GPHN: variants seen among roughly 807,000 people sequenced by gnomAD.
GPHN encodes the protein gephyrin.
In GPHN, 17 loss-of-function variants were observed where a neutral mutation model predicts 95.5. That is an observed-to-expected ratio of 0.18 (90% CI 0.12 to 0.27). The LOEUF is 0.27. Among genes scored for constraint, GPHN ranks in the 10% least tolerant of loss-of-function variants. The pLI is 1.00. For missense variants in GPHN, 660 were observed against 978.1 expected (o/e 0.67, Z 4.34); for synonymous variants, 320 against 322.5 (o/e 0.99, Z 0.08).
intron 5 of GPHN, among the ~76,000 whole-genome samples, chr14:66,904,608 C>T (rs2065281858): frequency 6.6e-6 from 1 of 152,140 alleles, no homozygotes; most frequent in Admixed American, 6.5e-5. Context: ...CAGCTGGCTT[C>T]ACCTCTCAAT....
chr14:67,338,937 TA>T, the GPHN span, among the ~76,000 whole-genome samples: 1 of 151,984 alleles, frequency 6.6e-6, no homozygotes, highest in Non-Finnish European at 1.5e-5. Flanking sequence ...AACATAATTT[TA>T]AGCTAAAAAT....
the GPHN span, among the ~76,000 whole-genome samples, chr14:67,402,842 T>C: frequency 6.6e-6 from 1 of 152,228 alleles, no homozygotes; most frequent in Non-Finnish European, 1.5e-5. Flanking sequence ...CACAGGTTGC[T>C]TCCAATCTTG....
chr14:66,698,847 G>A (rs773785137), intron 2 of GPHN, among the ~76,000 whole-genome samples: 2 of 152,058 alleles, frequency 1.3e-5, no homozygotes, highest in East Asian at 3.8e-4. Context: ...CCATATATGC[G>A]GGTTTTGCAT....
chr14:67,642,960 G>T, the GPHN span, among the ~76,000 whole-genome samples: 1 of 151,918 alleles, frequency 6.6e-6, no homozygotes, highest in African/African-American at 2.4e-5. Flanking sequence ...ATGCCACCAT[G>T]CCTGGCTCAT....
intron 1 of GPHN, among the ~76,000 whole-genome samples, chr14:66,596,459 C>T (rs2061976586): frequency 6.6e-6 from 1 of 152,148 alleles, no homozygotes; most frequent in Non-Finnish European, 1.5e-5. Context: ...ATGTTGCCTG[C>T]AGGCCTGCAT....
intron 10 of GPHN, among the ~76,000 whole-genome samples, chr14:67,038,048 A>C (rs1266798901): frequency 6.6e-6 from 1 of 152,100 alleles, no homozygotes; most frequent in African/African-American, 2.4e-5. Flanking sequence ...ATATGAAAGT[A>C]ATCTTAATGT....
chr14:66,804,474 G>A (rs1214427924), intron 3 of GPHN, among the ~76,000 whole-genome samples: 1 of 152,156 alleles, frequency 6.6e-6, no homozygotes, highest in Non-Finnish European at 1.5e-5. Flanking sequence ...AGCTTTGCAT[G>A]CTTCTGTATA....
At chr14:66,734,621 C>T (rs546588009) in intron 2 of GPHN, among the ~76,000 whole-genome samples, 11 of 152,236 alleles carry the variant, frequency 7.2e-5, no homozygotes, top group Admixed American at 5.9e-4. Flanking sequence ...TTGTAGCTAT[C>T]TTTGTTGGCA....
At chr14:66,871,438 G>A (rs1265977992) in intron 4 of GPHN, among the ~76,000 whole-genome samples, 1 of 152,126 alleles carries the variant, frequency 6.6e-6, no homozygotes, top group Non-Finnish European at 1.5e-5. Context: ...TATCCAAGAA[G>A]TTCCTTTAAT....
intron 17 of GPHN, among the ~76,000 whole-genome samples, chr14:67,135,779 CT>C (rs2080043435): frequency 6.6e-6 from 1 of 152,054 alleles, no homozygotes; most frequent in Admixed American, 6.5e-5. Context: ...AAATTTTCCT[CT>C]TTTCCCCCCT....
Position 67,088,835 on chromosome 14 carries a change from C to G in GPHN, c.1145-148C>G, listed in dbSNP as rs548385287. 9.0e-5 allele frequency: 61 copies of G among 675,578 alleles called. 1 individual carries two copies. In the South Asian group the frequency reaches 9.7e-4, roughly 11 times the overall value. The allele number at this position is 675,578 out of a possible 1,614,324, so 41.8% of individuals were successfully genotyped here. A position where few individuals can be genotyped will look rare whatever the true frequency, so the allele number is the denominator to read the frequency against. The stretch of plus-strand genomic sequence containing the variant: ...AGGCACCAGAATGCATCTCTTCTAT[C>G]TCCTGTTTCTTGGGACAGAAATCAG... On this transcript the variant is annotated intron_variant, in intron 11 of 22. Coordinates refer to ENST00000478722, the MANE Select transcript of GPHN (RefSeq NM_020806.5).
At chr14:66,994,132 G>A (rs1322619750) in intron 9 of GPHN, among the ~76,000 whole-genome samples, 2 of 152,196 alleles carry the variant, frequency 1.3e-5, no homozygotes, top group African/African-American at 2.4e-5. Flanking sequence ...TTGGGAGGCC[G>A]AGGCGAGTGG....
At chr14:67,188,538 G>A in the GPHN span, among the ~76,000 whole-genome samples, 5 of 152,194 alleles carry the variant, frequency 3.3e-5, no homozygotes, top group Non-Finnish European at 7.3e-5. Context: ...CATGCAATAA[G>A]TATGCTCAAT....
intron 1 of GPHN, among the ~76,000 whole-genome samples, chr14:66,558,441 G>A (rs1423207934): frequency 6.6e-6 from 1 of 152,040 alleles, no homozygotes; most frequent in Non-Finnish European, 1.5e-5. Flanking sequence ...GAAGAGGCAA[G>A]GTGTCAGAAA....
intron 5 of GPHN, among the ~76,000 whole-genome samples, chr14:66,891,658 T>A (rs2064508074): frequency 6.6e-6 from 1 of 152,068 alleles, no homozygotes; most frequent in Non-Finnish European, 1.5e-5. Flanking sequence ...TTTATCGATG[T>A]TGAAAATCTT....
the GPHN span, among the ~76,000 whole-genome samples, chr14:67,499,858 T>G: frequency 6.6e-6 from 1 of 151,596 alleles, no homozygotes; most frequent in African/African-American, 2.4e-5. Flanking sequence ...AAAAAAAAGT[T>G]ATGCCCTTCA....
intron 10 of GPHN, among the ~76,000 whole-genome samples, chr14:67,047,113 A>C (rs2075057208): frequency 6.6e-6 from 1 of 152,144 alleles, no homozygotes; most frequent in Non-Finnish European, 1.5e-5. Flanking sequence ...GGAACAGAAC[A>C]AGTCTCCTGA....
At chr14:66,701,177 C>T (rs1403691531) in intron 2 of GPHN, among the ~76,000 whole-genome samples, 2 of 152,034 alleles carry the variant, frequency 1.3e-5, no homozygotes, top group Non-Finnish European at 2.9e-5. Flanking sequence ...TTTACATATG[C>T]ATGTAAGTGC....
At chr14:67,578,298 C>G in the GPHN span, 1 of 1,087,924 alleles carries the variant, frequency 9.2e-7, no homozygotes, top group Non-Finnish European at 1.4e-6. This position sits in a 1 kb window ranked among gnomAD's most constrained non-coding sequence, Gnocchi z 5.0. Flanking sequence ...TACGGTGAGC[C>G]CAGCCAGCGG....
Sources: gnomAD v4.1 joint callset for allele counts (sites outside exome capture counted in the v4.1 genomes callset) on GRCh38, gnomAD v4.1.1 for gene constraint, Gnocchi (gnomAD v3.1) non-coding constraint, MANE v1.5 for transcripts, NCBI Gene and HGNC (gene_info 2026-07-23, HGNC 2026-07-21) for gene names.